The following TMEM255B variants were observed in gnomAD, a reference collection of about 807,000 sequenced individuals.
The protein encoded by TMEM255B is transmembrane protein 255B.
TMEM255B carries 35 observed loss-of-function variants against 34.5 expected under a neutral mutation model. The ratio of observed to expected loss-of-function variants is 1.01; its 90% CI spans 0.77 to 1.34. The LOEUF is 1.34. Among genes scored for constraint, TMEM255B ranks in the 40% most tolerant of loss-of-function variants. The probability of loss-of-function intolerance (pLI) is 0.00; values close to 1 mark genes in which losing one functional copy is unlikely to be tolerated. For synonymous variants in TMEM255B, 206 were observed against 201.2 expected, an observed-to-expected ratio of 1.02 and a Z score of -0.20; for missense variants, 432 against 433.2, an observed-to-expected ratio of 1.00 and a Z score of 0.02.
intron 5 of TMEM255B, 92 bp from the exon 6 acceptor site, chr13:113,800,735 G>A (rs940489814): frequency 1.3e-4 from 156 of 1,240,314 alleles, no homozygotes; most frequent in Non-Finnish European, 1.5e-4. Flanking sequence ...CTCAGTGGCC[G>A]CTCCCAGCTC....
At chr13:113,767,646 T>C (rs546532755) in intron 2 of TMEM255B, among the ~76,000 whole-genome samples, 7 of 152,248 alleles carry the variant, frequency 4.6e-5, no homozygotes, top group Non-Finnish European at 1.0e-4. Flanking sequence ...TGGCCTGTAG[T>C]ACAGACAGTT....
intron 8 of TMEM255B, among the ~76,000 whole-genome samples, chr13:113,808,796 G>GGT (rs1208588189): frequency 9.1e-6 from 1 of 110,282 alleles, no homozygotes; most frequent in Non-Finnish European, 1.8e-5. Context: ...GGTTCCTGGG[G>GGT]GGGGGGTTAC....
chr13:113,809,757 G>A (rs982081686), intron 8 of TMEM255B, among the ~76,000 whole-genome samples: 15 of 152,104 alleles, frequency 9.9e-5, no homozygotes, highest in Non-Finnish European at 1.9e-4. Flanking sequence ...TGGGTTCCTG[G>A]GGTTTATCTG....
intron 2 of TMEM255B, 158 bp downstream of exon 2, chr13:113,766,415 A>G: frequency 3.8e-6 from 4 of 1,046,492 alleles, no homozygotes; most frequent in Non-Finnish European, 5.8e-6. Context: ...ACAGACATGC[A>G]CTTCCCAATC....
At chr13:113,790,758 A>G (rs1317099713) in intron 3 of TMEM255B, among the ~76,000 whole-genome samples, 10 of 146,094 alleles carry the variant, frequency 6.8e-5, no homozygotes, top group Admixed American at 6.1e-4. Context: ...GACTAGACAC[A>G]TGGACATCCT....
Position 113,811,870 on chromosome 13 carries a change from C to G in TMEM255B, c.948C>G (p.Pro316=). 1 of 1,613,512 alleles carries G rather than the reference C, an allele frequency of 6.2e-7. No individual in the cohort carries two copies. The highest frequency in any genetic ancestry group is 1.3e-5 in the African/African-American group (1 of 75,004). Residue 316 remains proline, a synonymous_variant, in exon 9 of 9, where the codon CCC becomes CCG. Transcript: ENST00000375353. ...APPCYAPTYF[P]PGEKPPPYAP is the part of the protein sequence containing the mutation. Reference sequence around the variant, plus strand: ...CGTGCTACGCACCCACCTACTTTCCCCCGGGGGAGAAGCCACCCCCCTACG... The same window carrying G: ...CGTGCTACGCACCCACCTACTTTCCGCCGGGGGAGAAGCCACCCCCCTACG...
rs112352039 is a variant in TMEM255B at position 113,816,117 on chromosome 13, T to G, written c.*4214T>G. 3.5e-5 allele frequency: 2 copies of G among 57,494 alleles called. No homozygotes were observed. The highest frequency in any genetic ancestry group is 2.1e-4 in the Admixed American group (1 of 4,746). 3.6% of individuals were successfully genotyped at this position (57,494 alleles called of 1,614,324 possible). A position where few individuals can be genotyped will look rare whatever the true frequency, so the allele number is the denominator to read the frequency against. ...TTCTTTTCGGGGAGGCAAGCGTGTT[T>G]GCAGCGTGTTCTGGATGGGGAGAGG... On this transcript the variant is annotated 3_prime_UTR_variant, in exon 9 of 9. Transcript: ENST00000375353.
intron 3 of TMEM255B, among the ~76,000 whole-genome samples, chr13:113,771,982 T>A (rs1181434641): frequency 6.6e-6 from 1 of 152,186 alleles, no homozygotes; most frequent in Non-Finnish European, 1.5e-5. Context: ...GCATGAGGGC[T>A]CCTGTTTCTC....
At chr13:113,785,283 G>C (rs1465383275) in intron 3 of TMEM255B, among the ~76,000 whole-genome samples, 1 of 145,608 alleles carries the variant, frequency 6.9e-6, no homozygotes, top group Non-Finnish European at 1.5e-5. Flanking sequence ...GTCATTTCCT[G>C]AAGTTCACTG....
At chr13:113,761,367 C>T in intron 1 of TMEM255B, 1 of 985,308 alleles carries the variant, frequency 1.0e-6, no homozygotes, top group Non-Finnish European at 1.2e-6. Context: ...GGCGTGGGCA[C>T]AGGCTCATGT....
At position 113,800,095 on chromosome 13, in the gene TMEM255B, TG is replaced by T. The variant is rs1235967662; in HGVS notation, c.423+685del. The T allele has an allele frequency of 8.0e-3, 7,814 of 971,276 alleles. 39 individuals carry two copies. The highest frequency in any genetic ancestry group is 0.01 in the Middle Eastern group (21 of 2,066). 60.2% of individuals were successfully genotyped at this position (971,276 alleles called of 1,614,324 possible). On this transcript the variant is annotated intron_variant, in intron 5 of 8. Transcript: ENST00000375353. Reference sequence around the variant, plus strand: ...GTGTGTGTGTTTATGTGTGTGTGTGTGGGGGGGGGTAGGCAGGAGGCGTCCC... The same window carrying T: ...GTGTGTGTGTTTATGTGTGTGTGTGTGGGGGGGGTAGGCAGGAGGCGTCCC...
chr13:113,801,930 A>C, intron 7 of TMEM255B, 118 bp downstream of exon 7: 1 of 1,196,556 alleles, frequency 8.4e-7, no homozygotes, highest in African/African-American at 1.5e-5. Context: ...ACTGAAGCCC[A>C]TGCGTCTGTC....
intron 3 of TMEM255B, among the ~76,000 whole-genome samples, chr13:113,792,014 G>GAGGCCCCAGAGCTGGGGACGCGGC (rs1384371307): frequency 2.0e-5 from 3 of 152,228 alleles, no homozygotes; most frequent in African/African-American, 7.2e-5. Context: ...GGAACTGCGG[G>GAGGCCCCAGAGCTGGGGACGCGGC]AGGCCCCAGA....
chr13:113,795,961 A>G (rs1232260315), intron 4 of TMEM255B, among the ~76,000 whole-genome samples: 1 of 142,042 alleles, frequency 7.0e-6, no homozygotes. Flanking sequence ...CACATACACA[A>G]CAGAGCACAC....
chr13:113,766,436 G>A (rs751710897), intron 2 of TMEM255B, 179 bp downstream of exon 2: 1 of 908,780 alleles, frequency 1.1e-6, no homozygotes, highest in Non-Finnish European at 1.7e-6. Flanking sequence ...CCCAGGACCT[G>A]GGACAGTGGC....
rs578125837 is a variant in TMEM255B, at chr13:113,800,734, C to T, written c.424-93C>T. 3.1e-5 allele frequency: 38 copies of T among 1,236,590 alleles called. No individual in the cohort carries two copies. In the Middle Eastern group the frequency reaches 8.1e-4, roughly 26 times the overall value. 76.6% of individuals were successfully genotyped at this position (1,236,590 alleles called of 1,614,324 possible). ...AGCTGCTTGGCTGGGCCTCAGTGGC[C>T]GCTCCCAGCTCCCATGAGGCAGCCC... is the stretch of plus-strand genomic sequence containing the variant. On this transcript the variant is annotated intron_variant, in intron 5 of 8. Coordinates refer to ENST00000375353, the MANE Select transcript of TMEM255B (RefSeq NM_182614.4).
intron 3 of TMEM255B, among the ~76,000 whole-genome samples, chr13:113,785,425 C>T (rs987512437): frequency 6.6e-6 from 1 of 152,202 alleles, no homozygotes; most frequent in Non-Finnish European, 1.5e-5. Context: ...CCCCCAGCTG[C>T]GGTTTCTGAC....
chr13:113,810,439 C>T (rs192612826), intron 8 of TMEM255B, among the ~76,000 whole-genome samples: 3 of 152,314 alleles, frequency 2.0e-5, no homozygotes, highest in Admixed American at 2.0e-4. Context: ...CTTTTCTGGT[C>T]TCAGAATTAC....
At chr13:113,775,333 G>A (rs2050558390) in intron 3 of TMEM255B, among the ~76,000 whole-genome samples, 1 of 152,198 alleles carries the variant, frequency 6.6e-6, no homozygotes, top group South Asian at 2.1e-4. Flanking sequence ...CTTGCGCCCT[G>A]CTTAGCTTCT....
Sources: allele counts gnomAD v4.1 joint callset (sites outside exome capture counted in the v4.1 genomes callset), GRCh38; gene constraint gnomAD v4.1.1; transcripts MANE v1.5; gene names NCBI Gene and HGNC (gene_info 2026-07-23, HGNC 2026-07-21).